Variants in ANO6 observed in about 807,000 individuals in gnomAD.
ANO6 encodes anoctamin 6.
In ANO6, 106 loss-of-function variants were observed where a neutral mutation model predicts 117.5. The ratio of observed to expected loss-of-function variants is 0.90; its 90% confidence interval spans 0.77 to 1.06. The LOEUF (loss-of-function observed/expected upper bound fraction) is 1.06. ANO6 is among the 50% of genes least tolerant of loss of function. The pLI, the probability that ANO6 is intolerant of heterozygous loss-of-function variation, is 0.00. For synonymous variants in ANO6, 367 were observed against 385.1 expected (o/e 0.95, Z 0.55); for missense variants, 955 against 1,121.1 (o/e 0.85, Z 2.12).
At position 45,431,831 on chromosome 12, in the gene ANO6, A is replaced by C. The variant is rs1332394376; in HGVS notation, c.*2520A>C. ...CTAGCCTTCAGCCTGTCCAGTGTTAACCACTAGAGAAACTGAGCTTTATAT... is the reference window on the plus strand; with the variant it reads ...CTAGCCTTCAGCCTGTCCAGTGTTACCCACTAGAGAAACTGAGCTTTATAT... On this transcript the variant is annotated 3_prime_UTR_variant, in exon 20 of 20. Transcript: ENST00000320560. 2.2e-5 allele frequency: 22 copies of C among 985,324 alleles called. No individual in the cohort carries two copies. Among genetic ancestry groups the C allele is most frequent in the Non-Finnish European group, 2.7e-5 (22 of 829,950 alleles). 61.0% of individuals were successfully genotyped at this position (985,324 alleles called of 1,614,324 possible).
At chr12:45,267,752 G>C (rs186711326) in intron 1 of ANO6, among the ~76,000 whole-genome samples, 3 of 152,094 alleles carry the variant, frequency 2.0e-5, no homozygotes, top group Non-Finnish European at 4.4e-5. Flanking sequence ...GAACATGCCA[G>C]TGTGCTCCAG....
intron 16 of ANO6, among the ~76,000 whole-genome samples, chr12:45,411,245 T>C (rs537745327): frequency 4.3e-4 from 65 of 152,308 alleles, no homozygotes; most frequent in African/African-American, 1.3e-3. Flanking sequence ...ATAGGACTTT[T>C]AGAGTTTCAT....
At chr12:45,408,669 C>CT (rs1255561257) in intron 15 of ANO6, among the ~76,000 whole-genome samples, 1 of 152,150 alleles carries the variant, frequency 6.6e-6, no homozygotes, top group African/African-American at 2.4e-5. Flanking sequence ...GATTATGTCA[C>CT]TTTCCTACTT....
intron 19 of ANO6, among the ~76,000 whole-genome samples, chr12:45,437,862 C>A (rs1464578589): frequency 6.6e-6 from 1 of 152,158 alleles, no homozygotes; most frequent in Non-Finnish European, 1.5e-5. Flanking sequence ...AGCCACCACA[C>A]CCGACCTCAA....
At chr12:45,258,853 TGTTAA>T (rs1478427236) in intron 1 of ANO6, among the ~76,000 whole-genome samples, 2 of 152,184 alleles carry the variant, frequency 1.3e-5, no homozygotes, top group African/African-American at 4.8e-5. Context: ...AATAAAAGAT[TGTTAA>T]GTTATAGTCC....
At chr12:45,255,139 A>G (rs191592327) in intron 1 of ANO6, among the ~76,000 whole-genome samples, 86 of 152,316 alleles carry the variant, frequency 5.6e-4, no homozygotes, top group African/African-American at 2.0e-3. Flanking sequence ...CTTGTTATCT[A>G]TCATTCATTT....
At chr12:45,292,967 GA>G in intron 1 of ANO6, 1 of 1,551,142 alleles carries the variant, frequency 6.4e-7, no homozygotes, top group Non-Finnish European at 8.7e-7. Context: ...TGAGTTGCTG[GA>G]ACAGTGAGCA....
chr12:45,402,034 A>G lies in ANO6; in HGVS notation c.1612+14A>G, dbSNP rs774847415. 4 of 1,603,354 alleles carry G rather than the reference A, an allele frequency of 2.5e-6. No individual in the cohort carries two copies. The highest frequency in any genetic ancestry group is 1.7e-4 in the Middle Eastern group (1 of 6,058). On this transcript the variant is annotated intron_variant, in intron 13 of 19. Coordinates refer to ENST00000320560, the MANE Select transcript of ANO6 (RefSeq NM_001025356.3). Reference sequence around the variant, plus strand: ...TTACTAACTTCGGTAAGGTCCTACTATAGCTTAGGTAACTTCTGACATATT... The same window carrying G: ...TTACTAACTTCGGTAAGGTCCTACTGTAGCTTAGGTAACTTCTGACATATT...
intron 8 of ANO6, among the ~76,000 whole-genome samples, chr12:45,362,156 A>G (rs1941572946): frequency 6.6e-6 from 1 of 151,960 alleles, no homozygotes; most frequent in African/African-American, 2.4e-5. Flanking sequence ...CTGTTAGTCC[A>G]GTCTCTTTAT....
chr12:45,332,992 A>G (rs1006042806), intron 3 of ANO6, among the ~76,000 whole-genome samples: 1 of 151,920 alleles, frequency 6.6e-6, no homozygotes, highest in Non-Finnish European at 1.5e-5. Flanking sequence ...TGACATCTCT[A>G]AAATCAGTTG....
rs143694041 is a variant in ANO6, at chr12:45,297,955, G to A, written c.71-4059G>A. Among the ~76,000 whole-genome samples, 574 of 152,138 alleles carry A rather than the reference G, an allele frequency of 3.8e-3. 1 individual carries two copies. The highest frequency in any genetic ancestry group is 0.013 in the African/African-American group (548 of 41,514). On this transcript the variant is annotated intron_variant, in intron 1 of 19. Coordinates refer to ENST00000320560, the MANE Select transcript of ANO6 (RefSeq NM_001025356.3). Reference sequence around the variant, plus strand: ...CTCTGGTTTCTTTCTTCAAGAAAACGGAACCTTGTCTGGTTCTTCTTGGCT... The same window carrying A: ...CTCTGGTTTCTTTCTTCAAGAAAACAGAACCTTGTCTGGTTCTTCTTGGCT...
chr12:45,315,192 G>C (rs1939983073), intron 2 of ANO6, among the ~76,000 whole-genome samples: 1 of 152,110 alleles, frequency 6.6e-6, no homozygotes, highest in Non-Finnish European at 1.5e-5. Flanking sequence ...GAGACAACTT[G>C]TGATGCAGCT....
chr12:45,310,050 G>C lies in ANO6; in HGVS notation c.150+7957G>C, dbSNP rs1056670190. ...AAAGCTTTTTGTGCATTCAAGAACC[G>C]AAGGTGATGGAATGTGCATTTTTGT... On this transcript the variant is annotated intron_variant, in intron 2 of 19. Coordinates refer to ENST00000320560, the MANE Select transcript of ANO6 (RefSeq NM_001025356.3). 5.3e-5 allele frequency among the ~76,000 whole-genome samples: 8 copies of C among 152,106 alleles called. 1 individual carries two copies. Among genetic ancestry groups the C allele is most frequent in the African/African-American group, 1.9e-4 (8 of 41,422 alleles).
intron 1 of ANO6, among the ~76,000 whole-genome samples, chr12:45,269,528 G>A (rs1938325877): frequency 6.6e-6 from 1 of 152,158 alleles, no homozygotes; most frequent in Non-Finnish European, 1.5e-5. Context: ...AGATTTAAAA[G>A]GTAGTCTGGA....
intron 2 of ANO6, among the ~76,000 whole-genome samples, chr12:45,306,694 G>T (rs544078713): frequency 6.6e-6 from 1 of 151,820 alleles, no homozygotes; most frequent in African/African-American, 2.4e-5. Context: ...ATATTCATTC[G>T]ATATCTACTA....
intron 15 of ANO6, 72 bp downstream of exon 15, chr12:45,403,608 C>CCTACATAG: frequency 7.8e-7 from 1 of 1,277,484 alleles, no homozygotes; most frequent in Non-Finnish European, 1.1e-6. Context: ...AAATCATTTG[C>CCTACATAG]CTACATAGCC....
chr12:45,298,820 A>G (rs1326411151), intron 1 of ANO6, among the ~76,000 whole-genome samples: 1 of 152,202 alleles, frequency 6.6e-6, no homozygotes, highest in East Asian at 1.9e-4. Context: ...TCTTTAGGCA[A>G]AATGCATACT....
intron 10 of ANO6, among the ~76,000 whole-genome samples, chr12:45,386,044 C>T (rs189708681): frequency 2.6e-5 from 4 of 152,228 alleles, no homozygotes; most frequent in African/African-American, 4.8e-5. Flanking sequence ...ACCCTGACTG[C>T]GTATTAAACC....
At chr12:45,414,023 C>T (rs925939672) in intron 16 of ANO6, among the ~76,000 whole-genome samples, 3 of 151,998 alleles carry the variant, frequency 2.0e-5, no homozygotes, top group South Asian at 4.1e-4. Flanking sequence ...TCACAAAAAT[C>T]AGGACTGAAA....
Sources: gnomAD v4.1 joint callset for allele counts (sites outside exome capture counted in the v4.1 genomes callset) on GRCh38, gnomAD v4.1.1 for gene constraint, MANE v1.5 for transcripts, NCBI Gene and HGNC (gene_info 2026-07-23, HGNC 2026-07-21) for gene names.